Variants in GPRC6A observed in about 807,000 individuals in gnomAD.
GPRC6A encodes G protein-coupled receptor family C group 6 member A.
GPRC6A carries 54 observed loss-of-function variants against 47.0 expected under a neutral mutation model. The observed-to-expected ratio is 1.15, with a 90% CI of 0.92 to 1.44. The LOEUF is 1.44. Among genes scored for constraint, GPRC6A ranks in the 40% most tolerant of loss-of-function variants. GPRC6A has a pLI of 0.00. For missense variants in GPRC6A, 1,112 were observed against 1,105.5 expected (o/e 1.01, Z -0.08); for synonymous variants, 347 against 377.1 (o/e 0.92, Z 0.93).
intron 3 of GPRC6A, among the ~76,000 whole-genome samples, chr6:116,803,518 C>T (rs555897448): frequency 2.3e-4 from 35 of 152,178 alleles, no homozygotes; most frequent in African/African-American, 8.2e-4. Context: ...ACTTTTCAAT[C>T]CCACTGTGGA....
chr6:116,799,470 G>A (rs552372404), intron 4 of GPRC6A, among the ~76,000 whole-genome samples: 1 of 152,268 alleles, frequency 6.6e-6, no homozygotes, highest in South Asian at 2.1e-4. Flanking sequence ...TGTCATGGAA[G>A]CAAACAAATA....
chr6:116,828,982 A>T lies in GPRC6A; in HGVS notation c.32T>A (p.Phe11Tyr). Reference protein sequence around the residue: MAFLIILITCFVIILATSQPC... With the variant: MAFLIILITCYVIILATSQPC... ...CTGTGAAGTAGCAAGAATAATCACA[A>T]AGCAGGTAATTAGTATAATTAAGAA... Residue 11 changes from phenylalanine to tyrosine, a missense_variant, in exon 1 of 6, where the codon TTT (phenylalanine) becomes TAT (tyrosine). Phe to Tyr is a conservative substitution (Grantham distance 22, BLOSUM62 3). Transcript: ENST00000310357. The T allele has an allele frequency of 6.2e-7, 1 of 1,612,964 alleles. No individual in the cohort carries two copies. The highest frequency in any genetic ancestry group is 2.2e-5 in the East Asian group (1 of 44,864).
chr6:116,812,457 CAA>C (rs1228648186), intron 1 of GPRC6A, among the ~76,000 whole-genome samples: 1 of 152,010 alleles, frequency 6.6e-6, no homozygotes, highest in South Asian at 2.1e-4. Context: ...AGGAAGGACT[CAA>C]ATGATACTAC....
At chr6:116,824,274 T>TAA (rs557885039) in intron 1 of GPRC6A, among the ~76,000 whole-genome samples, 131 of 149,302 alleles carry the variant, frequency 8.8e-4, no homozygotes, top group African/African-American at 3.0e-3. Context: ...AAATAGAGAC[T>TAA]AAAAAAAACA....
At position 116,828,946 on chromosome 6, in the gene GPRC6A, G is replaced by A. The variant is rs767300540; in HGVS notation, c.68C>T (p.Thr23Ile). ...AGTGGCAGCCACAAAGTCATCAGGG[G>A]TCTGGCAAGGCTGTGAAGTAGCAAG... ...IILATSQPCQ[T>I]PDDFVAATSP... The change falls in exon 1 of 6, where the codon ACC becomes ATC. Residue 23 changes from threonine (T) to isoleucine (I), a missense_variant. Physicochemically the swap from Thr to Ile is moderately conservative, Grantham distance 89. Coordinates refer to ENST00000310357, the MANE Select transcript of GPRC6A (RefSeq NM_148963.4). 1.2e-6 allele frequency: 2 copies of A among 1,613,356 alleles called. No individual in the cohort carries two copies. Among genetic ancestry groups the A allele is most frequent in the Middle Eastern group, 1.7e-4 (1 of 6,060 alleles).
intron 1 of GPRC6A, among the ~76,000 whole-genome samples, chr6:116,821,828 A>G (rs1218587243): frequency 6.6e-6 from 1 of 151,350 alleles, no homozygotes; most frequent in Non-Finnish European, 1.5e-5. Context: ...AAACACCAAA[A>G]GCAATGGCAA....
intron 5 of GPRC6A, among the ~76,000 whole-genome samples, chr6:116,794,243 C>T (rs544444492): frequency 2.0e-5 from 3 of 152,140 alleles, no homozygotes; most frequent in Admixed American, 6.6e-5. Context: ...GGTTGTATTT[C>T]TGTTTATAAA....
chr6:116,792,825 A>G lies in GPRC6A; in HGVS notation c.2098T>C (p.Cys700Arg). The change falls in exon 6 of 6, where the codon TGC becomes CGC. Residue 700 changes from cysteine (C) to arginine (R), a missense_variant. Coordinates refer to ENST00000310357, the MANE Select transcript of GPRC6A (RefSeq NM_148963.4). ...FDPKLQKFLKCLYRPILIIFT... is the reference protein window; with the variant it reads ...FDPKLQKFLKRLYRPILIIFT... ...ATAATAAGGATCGGTCTATAGAGGC[A>G]CTTCAGAAATTTCTGTAATTTGGGA... 1.2e-6 allele frequency: 2 copies of G among 1,614,080 alleles called. No individual in the cohort carries two copies. The highest frequency in any genetic ancestry group is 2.2e-5 in the South Asian group (2 of 91,084).
intron 1 of GPRC6A, among the ~76,000 whole-genome samples, chr6:116,817,808 A>G (rs1427467030): frequency 6.6e-4 from 101 of 152,316 alleles, no homozygotes; most frequent in Non-Finnish European, 7.3e-5. Context: ...GAATGAAATG[A>G]AGCGAGAAGG....
rs558347321 is a variant in GPRC6A, at chr6:116,808,995, G to A, written c.498+319C>T. On this transcript the variant is annotated intron_variant, in intron 2 of 5. Coordinates refer to ENST00000310357, the MANE Select transcript of GPRC6A (RefSeq NM_148963.4). Reference sequence around the variant, plus strand: ...ATGCTACATGACCCAGGCTTTGCCTGTCTCTACAAAAGCATCTCTTACTAT... The same window carrying A: ...ATGCTACATGACCCAGGCTTTGCCTATCTCTACAAAAGCATCTCTTACTAT... 2.2e-4 allele frequency among the ~76,000 whole-genome samples: 34 copies of A among 152,296 alleles called. 1 individual carries two copies. The South Asian group carries it at 4.1e-3, about 19-fold the overall frequency.
At chr6:116,800,539 T>TA (rs754351214) in intron 4 of GPRC6A, 45 bp downstream of exon 4, 11 of 1,214,544 alleles carry the variant, frequency 9.1e-6, no homozygotes, top group Non-Finnish European at 1.3e-5. Context: ...GCAGTTGAGG[T>TA]ACCAATTGCT....
chr6:116,810,376 A>G (rs908603982), intron 1 of GPRC6A, among the ~76,000 whole-genome samples: 7 of 152,044 alleles, frequency 4.6e-5, no homozygotes, highest in Admixed American at 6.6e-5. Context: ...GAATATTACT[A>G]TTTGTCATTG....
rs1772850548 is a variant in GPRC6A at position 116,806,660 on chromosome 6, C to T, written c.1045G>A (p.Asp349Asn). Residue 349 changes from aspartate to asparagine, a missense_variant, in exon 3 of 6, where the codon GAC becomes AAC. Physicochemically the swap from Asp to Asn is conservative, Grantham distance 23 (BLOSUM62 1). Coordinates refer to ENST00000310357, the MANE Select transcript of GPRC6A (RefSeq NM_148963.4). The stretch of plus-strand genomic sequence containing the variant: ...TATTCATGTAAGAGTTTGTGACTGT[C>T]ACTGGGAAGCAAGTGCAGATTTTGA... ...FLQNLHLLPS[D>N]SHKLLHEYAM... 6.2e-7 allele frequency: 1 copy of T among 1,613,426 alleles called. No homozygotes were observed. The highest frequency in any genetic ancestry group is 1.7e-5 in the Admixed American group (1 of 59,896).
chr6:116,816,663 C>G (rs1372104815), intron 1 of GPRC6A, among the ~76,000 whole-genome samples: 1 of 152,244 alleles, frequency 6.6e-6, no homozygotes, highest in Non-Finnish European at 1.5e-5. Flanking sequence ...ACAGTGGGCG[C>G]AGGTCAGTGG....
At chr6:116,801,033 T>C (rs1353947443) in intron 3 of GPRC6A, among the ~76,000 whole-genome samples, 1 of 152,214 alleles carries the variant, frequency 6.6e-6, no homozygotes, top group East Asian at 1.9e-4. Flanking sequence ...AGCAAGTTAA[T>C]TTCTATAGAT....
At chr6:116,817,997 C>G (rs1773289756) in intron 1 of GPRC6A, among the ~76,000 whole-genome samples, 1 of 152,054 alleles carries the variant, frequency 6.6e-6, no homozygotes, top group Admixed American at 6.6e-5. Flanking sequence ...TCTAGCAAGG[C>G]AGGCCAATGT....
Position 116,806,813 on chromosome 6 carries a change from T to A in GPRC6A, c.892A>T (p.Met298Leu). The A allele has an allele frequency of 6.2e-7, 1 of 1,613,492 alleles. No homozygotes were observed. Among genetic ancestry groups the A allele is most frequent in the African/African-American group, 1.3e-5 (1 of 74,978 alleles). ...NKAIEMNINK[M>L]WIASDNWSTA... ...GACCAATTATCACTAGCAATCCACA[T>A]CTTATTTATATTCATTTCAATGGCT... Residue 298 changes from methionine (M) to leucine (L), a missense_variant, in exon 3 of 6, where the codon ATG (methionine) becomes TTG (leucine). Physicochemically the swap from Met to Leu is conservative, Grantham distance 15 (BLOSUM62 2). Transcript: ENST00000310357.
chr6:116,823,893 C>T (rs1379790637), intron 1 of GPRC6A, among the ~76,000 whole-genome samples: 1 of 152,030 alleles, frequency 6.6e-6, no homozygotes, highest in Non-Finnish European at 1.5e-5. Flanking sequence ...CACTTTTAAA[C>T]AACCAGATCT....
intron 1 of GPRC6A, among the ~76,000 whole-genome samples, chr6:116,823,107 T>G (rs1416370288): frequency 1.3e-5 from 2 of 152,032 alleles, no homozygotes; most frequent in Non-Finnish European, 2.9e-5. Flanking sequence ...TTGTTTGTTT[T>G]TTGTTTTGTT....
Sources: gnomAD v4.1 joint callset for allele counts (sites outside exome capture counted in the v4.1 genomes callset) on GRCh38, gnomAD v4.1.1 for gene constraint, MANE v1.5 for transcripts, NCBI Gene and HGNC (gene_info 2026-07-23, HGNC 2026-07-21) for gene names.